Variants in ABLIM1 observed in about 807,000 individuals in gnomAD.
ABLIM1 encodes the protein actin binding LIM protein 1, also known as actin-binding LIM protein 1.
ABLIM1 carries 40 observed loss-of-function variants against 107.0 expected under a neutral mutation model. The ratio of observed to expected loss-of-function variants is 0.37; its 90% CI spans 0.29 to 0.49. ABLIM1 has a LOEUF of 0.49. Among genes scored for constraint, ABLIM1 ranks in the 20% least tolerant of loss-of-function variants. The pLI, the probability that ABLIM1 is intolerant of heterozygous loss-of-function variation, is 0.97. For missense variants in ABLIM1, 857 were observed against 1,008.5 expected, an observed-to-expected ratio of 0.85 and a Z score of 2.04; for synonymous variants, 357 against 357.3, an observed-to-expected ratio of 1.00 and a Z score of 0.01.
intron 1 of ABLIM1, among the ~76,000 whole-genome samples, chr10:114,636,453 A>G (rs1051295305): frequency 1.3e-5 from 2 of 152,164 alleles, no homozygotes; most frequent in African/African-American, 4.8e-5. Context: ...GTTTCCAACC[A>G]TATTGCCTCC....
chr10:114,602,813 C>G (rs141481307), intron 1 of ABLIM1, among the ~76,000 whole-genome samples: 1 of 152,152 alleles, frequency 6.6e-6, no homozygotes, highest in African/African-American at 2.4e-5. Flanking sequence ...CAGAGTGTGG[C>G]CTTCAGAGAC....
chr10:114,487,910 G>A (rs371914302), intron 8 of ABLIM1, 48 bp downstream of exon 8: 21 of 1,600,018 alleles, frequency 1.3e-5, no homozygotes, highest in East Asian at 2.2e-5. Context: ...GACCACGAGC[G>A]TATGGCCTAC....
chr10:114,791,822 T>C, the ABLIM1 span, among the ~76,000 whole-genome samples: 3 of 152,284 alleles, frequency 2.0e-5, no homozygotes, highest in Admixed American at 2.0e-4. Flanking sequence ...CCTTACACTC[T>C]AGCTGCTACC....
chr10:114,613,849 CT>C, intron 1 of ABLIM1: 3 of 681,550 alleles, frequency 4.4e-6, no homozygotes, highest in Non-Finnish European at 6.5e-6. Context: ...CCTAATTTTG[CT>C]GGGTGTAACC....
At chr10:114,602,602 A>C (rs2076103570) in intron 1 of ABLIM1, among the ~76,000 whole-genome samples, 1 of 152,220 alleles carries the variant, frequency 6.6e-6, no homozygotes, top group South Asian at 2.1e-4. Flanking sequence ...TTATGTGCAT[A>C]GTGTCTGATA....
chr10:114,549,498 T>C (rs1228924075), intron 4 of ABLIM1, among the ~76,000 whole-genome samples: 6 of 152,164 alleles, frequency 3.9e-5, no homozygotes, highest in Non-Finnish European at 1.5e-5. Context: ...GCTTCCCTCT[T>C]GCTGCAGCTA....
chr10:114,613,662 T>C (rs759460595), intron 1 of ABLIM1: 3 of 1,324,710 alleles, frequency 2.3e-6, no homozygotes, highest in African/African-American at 3.0e-5. Context: ...CTCACCTGGG[T>C]CTCTCCAGTG....
At chr10:114,610,274 C>T (rs1245377821) in intron 1 of ABLIM1, among the ~76,000 whole-genome samples, 2 of 152,194 alleles carry the variant, frequency 1.3e-5, no homozygotes, top group African/African-American at 4.8e-5. Flanking sequence ...AGGACCCTCT[C>T]GGCCACCTCC....
At chr10:114,439,336 G>T (rs1368871318) in intron 20 of ABLIM1, 86 bp from the exon 21 acceptor site, 2 of 1,366,190 alleles carry the variant, frequency 1.5e-6, no homozygotes, top group East Asian at 2.3e-5. Flanking sequence ...ATTCCCTGTT[G>T]GGTCTCCAAT....
intron 12 of ABLIM1, among the ~76,000 whole-genome samples, chr10:114,465,165 T>C (rs2064884449): frequency 1.3e-5 from 2 of 152,202 alleles, no homozygotes; most frequent in African/African-American, 4.8e-5. Context: ...TGGAAATGAT[T>C]TTATGTTTCC....
At chr10:114,458,424 G>A (rs535519764) in intron 12 of ABLIM1, among the ~76,000 whole-genome samples, 24 of 152,214 alleles carry the variant, frequency 1.6e-4, no homozygotes, top group African/African-American at 4.3e-4. Context: ...ATGAGAGCCC[G>A]AGTGACTAAT....
chr10:114,506,262 T>G (rs1434839526), intron 6 of ABLIM1, among the ~76,000 whole-genome samples: 1 of 152,222 alleles, frequency 6.6e-6, no homozygotes, highest in South Asian at 2.1e-4. Context: ...CAGTCCACCA[T>G]GAATGGGCAC....
chr10:114,740,395 G>A (rs969203513), intron 1 of ABLIM1, among the ~76,000 whole-genome samples: 6 of 151,854 alleles, frequency 4.0e-5, no homozygotes, highest in East Asian at 1.9e-4. Context: ...CCTTCTCTTC[G>A]GGAATTTTTT....
the ABLIM1 span, among the ~76,000 whole-genome samples, chr10:114,780,463 G>C: frequency 6.6e-6 from 1 of 152,200 alleles, no homozygotes; most frequent in Non-Finnish European, 1.5e-5. Context: ...AAGTGGATTA[G>C]TCATTTTGAA....
At chr10:114,465,971 C>T (rs1374140798) in intron 11 of ABLIM1, 144 bp from the exon 12 acceptor site, 10 of 1,004,584 alleles carry the variant, frequency 1.0e-5, no homozygotes, top group Non-Finnish European at 1.4e-5. Flanking sequence ...GCAAATTTTG[C>T]AGGTATTTTA....
chr10:114,446,642 C>CTTTTAGAGT (rs879599303), intron 15 of ABLIM1, among the ~76,000 whole-genome samples: 4,423 of 152,276 alleles, frequency 0.029, 225 homozygotes, highest in African/African-American at 0.1. Context: ...CTTTAAACTA[C>CTTTTAGAGT]TTAGTGATAA....
intron 4 of ABLIM1, among the ~76,000 whole-genome samples, chr10:114,553,398 T>C (rs996372168): frequency 6.6e-6 from 1 of 152,194 alleles, no homozygotes; most frequent in African/African-American, 2.4e-5. Context: ...GTGAGAACGA[T>C]GGGGAGAAGT....
chr10:114,554,212 C>T (rs2068436324), intron 4 of ABLIM1, among the ~76,000 whole-genome samples: 1 of 152,212 alleles, frequency 6.6e-6, no homozygotes, highest in African/African-American at 2.4e-5. Context: ...TCCCCACCCC[C>T]TGTCCAAAAC....
At chr10:114,686,157 T>C (rs970291918), upstream of ABLIM1, among the ~76,000 whole-genome samples, 1 of 152,160 alleles carries the variant, frequency 6.6e-6, no homozygotes, top group Non-Finnish European at 1.5e-5. Flanking sequence ...TTCCTAATCA[T>C]AGTCCTCCAA....
Sources: allele counts gnomAD v4.1 joint callset (sites outside exome capture counted in the v4.1 genomes callset), GRCh38; gene constraint gnomAD v4.1.1; transcripts MANE v1.5; gene names NCBI Gene and HGNC (gene_info 2026-07-23, HGNC 2026-07-21).